NRXN3: variants seen among roughly 807,000 people sequenced by gnomAD.
The protein encoded by NRXN3 is neurexin III.
A neutral mutation model predicts 137.6 loss-of-function variants in NRXN3; 32 were observed. The ratio of observed to expected loss-of-function variants is 0.23; its 90% CI spans 0.18 to 0.31. NRXN3 has a LOEUF of 0.31. NRXN3 is among the 10% of genes least tolerant of loss of function. NRXN3 has a pLI of 1.00. For synonymous variants in NRXN3, 798 were observed against 784.5 expected (o/e 1.02, Z -0.29); for missense variants, 1,574 against 2,062.5 (o/e 0.76, Z 4.59).
At chr14:78,862,775 G>T (rs940947936) in intron 10 of NRXN3, among the ~76,000 whole-genome samples, 4 of 152,014 alleles carry the variant, frequency 2.6e-5, no homozygotes, top group African/African-American at 9.7e-5. Context: ...ATATTTAGTG[G>T]GAAATATGTT....
In NRXN3 at chr14:78,988,032, C is replaced by A. The variant is rs778175740; in HGVS notation, c.3153C>A (p.Thr1051=). 72 of 1,613,566 alleles carry A rather than the reference C, an allele frequency of 4.5e-5. No individual in the cohort carries two copies. Among genetic ancestry groups the A allele is most frequent in the Non-Finnish European group, 5.3e-5 (63 of 1,179,820 alleles). ...QIERGCEGPS[T]TCQEDSCANQ... ...CTTGTGCATTACTAGGACCCAGTAC[C>A]ACCTGCCAGGAAGATTCATGTGCCA... Residue 1051 remains threonine, a synonymous_variant, in exon 15 of 21, where the codon ACC becomes ACA. Transcript: ENST00000335750.
At position 79,361,644 on chromosome 14, in the gene NRXN3, G is replaced by T. The variant is rs559292305; in HGVS notation, c.3263-105577G>T. Among the ~76,000 whole-genome samples, 9 of 152,280 alleles carry T rather than the reference G, an allele frequency of 5.9e-5. 1 individual carries two copies. The South Asian group carries it at 1.9e-3, about 32-fold the overall frequency. ...AGGCAGGAGAATCACTTGAACCCAGGAGGCAGAGGTTGCAGTGAGCTGAAA... is the reference window on the plus strand; with the variant it reads ...AGGCAGGAGAATCACTTGAACCCAGTAGGCAGAGGTTGCAGTGAGCTGAAA... On this transcript the variant is annotated intron_variant, in intron 15 of 20. Coordinates refer to ENST00000335750, the MANE Select transcript of NRXN3 (RefSeq NM_001330195.2).
intron 16 of NRXN3, among the ~76,000 whole-genome samples, chr14:79,530,244 G>A (rs1434065015): frequency 3.3e-5 from 5 of 152,026 alleles, no homozygotes; most frequent in African/African-American, 9.7e-5. Flanking sequence ...GCCAGTGTAG[G>A]ACAAGCAGCA....
rs1000924831 is a variant in NRXN3 at position 78,656,209 on chromosome 14, G to A, written c.1221+4883G>A. 9.9e-5 allele frequency among the ~76,000 whole-genome samples: 15 copies of A among 152,250 alleles called. No homozygotes were observed. The East Asian group carries it at 2.1e-3, about 22-fold the overall frequency. On this transcript the variant is annotated intron_variant, in intron 6 of 20. Transcript: ENST00000335750. The stretch of plus-strand genomic sequence containing the variant: ...TGCTTTAGAGGAACTCACATTAGTG[G>A]GGAGAGGCAGACACACGCATAAATG...
chr14:79,012,316 A>G (rs2099572628), intron 15 of NRXN3, among the ~76,000 whole-genome samples: 1 of 152,170 alleles, frequency 6.6e-6, no homozygotes, highest in Non-Finnish European at 1.5e-5. Context: ...GACATTTAAG[A>G]TGGAACAGCT....
intron 1 of NRXN3, among the ~76,000 whole-genome samples, chr14:78,198,119 T>C (rs917680966): frequency 1.3e-5 from 2 of 152,154 alleles, no homozygotes; most frequent in African/African-American, 4.8e-5. Context: ...CAGCTCTGGG[T>C]GGGGAAATGC....
At chr14:79,482,768 G>T (rs952942046) in intron 16 of NRXN3, among the ~76,000 whole-genome samples, 1 of 152,058 alleles carries the variant, frequency 6.6e-6, no homozygotes. Context: ...CTGGTGGAAA[G>T]ACTGCACCAT....
At chr14:78,176,581 G>T (rs1183527178) in intron 1 of NRXN3, among the ~76,000 whole-genome samples, 1 of 152,106 alleles carries the variant, frequency 6.6e-6, no homozygotes, top group African/African-American at 2.4e-5. Flanking sequence ...AAAGGGAGAT[G>T]AATCATCTGT....
intron 15 of NRXN3, among the ~76,000 whole-genome samples, chr14:79,195,495 A>C (rs892590973): frequency 6.6e-6 from 1 of 152,194 alleles, no homozygotes; most frequent in Admixed American, 6.5e-5. Flanking sequence ...TGTTTTTCCA[A>C]GTGTCTGGAG....
chr14:78,511,157 G>GCAA lies in NRXN3; in HGVS notation c.758-133947_758-133945dup, dbSNP rs894599691. The stretch of plus-strand genomic sequence containing the variant: ...AAAGAAAACAACAACAACAGCAGCA[G>GCAA]CAACAACAACAACAACAAAAAACAT... On this transcript the variant is annotated intron_variant, in intron 4 of 20. Coordinates refer to ENST00000335750, the MANE Select transcript of NRXN3 (RefSeq NM_001330195.2). Among the ~76,000 whole-genome samples, 867 of 152,122 alleles carry GCAA rather than the reference G, an allele frequency of 5.7e-3. 12 individuals carry two copies. Among genetic ancestry groups the GCAA allele is most frequent in the African/African-American group, 0.02 (810 of 41,508 alleles).
At chr14:79,155,212 T>C (rs1388816579) in intron 15 of NRXN3, among the ~76,000 whole-genome samples, 1 of 151,930 alleles carries the variant, frequency 6.6e-6, no homozygotes, top group African/African-American at 2.4e-5. Context: ...TGTTTCAGAA[T>C]GAAAGGACCA....
At chr14:78,493,225 G>C (rs183320025) in intron 4 of NRXN3, among the ~76,000 whole-genome samples, 4 of 152,150 alleles carry the variant, frequency 2.6e-5, no homozygotes, top group Non-Finnish European at 5.9e-5. Flanking sequence ...AATAGATTAA[G>C]AATTAGCCAG....
chr14:79,181,100 A>C lies in NRXN3; in HGVS notation c.3262+192959A>C, dbSNP rs149813086. Among the ~76,000 whole-genome samples the C allele has an allele frequency of 5.2e-4, 79 of 151,760 alleles. No homozygotes were observed. In the East Asian group the frequency reaches 0.013, roughly 25 times the overall value. ...TATATATATGCACACACACATAGGC[A>C]TGAAGTGCCAAACTATTTTTAAAAG... On this transcript the variant is annotated intron_variant, in intron 15 of 20. Coordinates refer to ENST00000335750, the MANE Select transcript of NRXN3 (RefSeq NM_001330195.2).
At chr14:79,268,539 A>G (rs1342263055) in intron 15 of NRXN3, among the ~76,000 whole-genome samples, 3 of 152,220 alleles carry the variant, frequency 2.0e-5, no homozygotes, top group Non-Finnish European at 4.4e-5. Context: ...TAATGTCCAC[A>G]TGGGCAAAGT....
chr14:79,214,261 C>T (rs2068143392), intron 15 of NRXN3, among the ~76,000 whole-genome samples: 1 of 152,210 alleles, frequency 6.6e-6, no homozygotes, highest in African/African-American at 2.4e-5. Context: ...TCCTCTGGCA[C>T]AGGAAAGACA....
At chr14:78,729,171 G>A (rs993166919) in intron 8 of NRXN3, among the ~76,000 whole-genome samples, 6 of 152,020 alleles carry the variant, frequency 3.9e-5, no homozygotes, top group African/African-American at 1.5e-4. Context: ...TAAAGTTTGT[G>A]GTATCATTCA....
chr14:79,288,980 G>T (rs1423892019), intron 15 of NRXN3, among the ~76,000 whole-genome samples: 2 of 152,130 alleles, frequency 1.3e-5, no homozygotes, highest in Non-Finnish European at 1.5e-5. Flanking sequence ...GGAAAGGAGG[G>T]ATGCTAGTTT....
intron 15 of NRXN3, among the ~76,000 whole-genome samples, chr14:79,347,257 A>G (rs957601740): frequency 6.6e-6 from 1 of 152,072 alleles, no homozygotes; most frequent in Admixed American, 6.6e-5. Flanking sequence ...GAAATTTTTA[A>G]AAATTAAATA....
intron 15 of NRXN3, among the ~76,000 whole-genome samples, chr14:79,060,843 C>T (rs2099673352): frequency 6.6e-6 from 1 of 152,002 alleles, no homozygotes; most frequent in Admixed American, 6.6e-5. Context: ...ACAGTTACTG[C>T]TATAATTTCT....
Sources: gnomAD v4.1 joint callset for allele counts (sites outside exome capture counted in the v4.1 genomes callset) on GRCh38, gnomAD v4.1.1 for gene constraint, MANE v1.5 for transcripts, NCBI Gene and HGNC (gene_info 2026-07-23, HGNC 2026-07-21) for gene names.